BLVRA: variants seen among roughly 807,000 people sequenced by gnomAD.
BLVRA encodes BVR A.
A neutral mutation model predicts 32.8 loss-of-function variants in BLVRA; 22 were observed. The observed-to-expected ratio is 0.67, with a 90% CI of 0.48 to 0.96. BLVRA has a LOEUF of 0.96. BLVRA is among the 40% of genes least tolerant of loss of function. The pLI, the probability that BLVRA is intolerant of heterozygous loss-of-function variation, is 0.00. For synonymous variants in BLVRA, 119 were observed against 141.3 expected (o/e 0.84, Z 1.12); for missense variants, 323 against 358.1 (o/e 0.90, Z 0.79).
chr7:43,794,943 G>C (rs2095790101), intron 5 of BLVRA, among the ~76,000 whole-genome samples: 1 of 152,186 alleles, frequency 6.6e-6, no homozygotes, highest in Admixed American at 6.6e-5. Context: ...GGGTGTGGTG[G>C]CTCATGCCTG....
At chr7:43,803,937 G>A in intron 7 of BLVRA, 90 bp downstream of exon 7, 1 of 1,467,264 alleles carries the variant, frequency 6.8e-7, no homozygotes, top group East Asian at 2.3e-5. Context: ...CGAGGGGCTA[G>A]ACCCTCACTC....
intron 1 of BLVRA, among the ~76,000 whole-genome samples, chr7:43,766,948 G>A (rs896787883): frequency 6.6e-6 from 1 of 152,168 alleles, no homozygotes; most frequent in Non-Finnish European, 1.5e-5. Flanking sequence ...AGTGAGCTGT[G>A]ATCATGCGTG....
chr7:43,802,839 G>A (rs1305255953), intron 6 of BLVRA, among the ~76,000 whole-genome samples: 1 of 152,162 alleles, frequency 6.6e-6, no homozygotes, highest in Non-Finnish European at 1.5e-5. Context: ...CCGGGCTAAA[G>A]TGATTCTCCT....
At chr7:43,774,541 G>T (rs1475528305) in intron 2 of BLVRA, among the ~76,000 whole-genome samples, 1 of 152,194 alleles carries the variant, frequency 6.6e-6, no homozygotes, top group African/African-American at 2.4e-5. Context: ...GGTTACCGTA[G>T]CCTTGTAGTA....
intron 2 of BLVRA, 103 bp downstream of exon 2, chr7:43,771,273 C>T (rs2132551346): frequency 1.5e-6 from 2 of 1,372,706 alleles, no homozygotes; most frequent in African/African-American, 1.4e-5. Context: ...TCAGCACAAA[C>T]TTGAGAACAT....
Position 43,774,132 on chromosome 7 carries a change from T to C in BLVRA, c.12+2962T>C, listed in dbSNP as rs2095757770. On this transcript the variant is annotated intron_variant, in intron 2 of 7. Transcript: ENST00000265523. ...GTAGTTTCTTTTGCTGTGCAGAAGC[T>C]CTTTAGTTTAATTAGATCCCATTTG... Among the ~76,000 whole-genome samples, 6 of 152,324 alleles carry C rather than the reference T, an allele frequency of 3.9e-5. No individual in the cohort carries two copies. The South Asian group carries it at 1.2e-3, about 32-fold the overall frequency.
chr7:43,777,041 C>A (rs1307076229), intron 2 of BLVRA, among the ~76,000 whole-genome samples: 1 of 151,252 alleles, frequency 6.6e-6, no homozygotes, highest in Non-Finnish European at 1.5e-5. Flanking sequence ...TGTGTCTCTG[C>A]ACGTGAGATG....
chr7:43,782,087 C>T (rs929507514), intron 2 of BLVRA, among the ~76,000 whole-genome samples: 2 of 152,180 alleles, frequency 1.3e-5, no homozygotes, highest in African/African-American at 2.4e-5. Context: ...CTGTAGCTGT[C>T]GGGGTGCCTC....
chr7:43,778,041 C>A (rs1388136479), intron 2 of BLVRA, among the ~76,000 whole-genome samples: 2 of 152,180 alleles, frequency 1.3e-5, no homozygotes, highest in Non-Finnish European at 2.9e-5. Flanking sequence ...GTTATACATT[C>A]ATCTAATTTT....
intron 5 of BLVRA, among the ~76,000 whole-genome samples, chr7:43,794,084 A>C (rs534811397): frequency 6.6e-6 from 1 of 152,064 alleles, no homozygotes; most frequent in East Asian, 2.0e-4. Flanking sequence ...CTCTACTGAA[A>C]ATACAAAAAT....
chr7:43,776,988 T>A (rs2095761849), intron 2 of BLVRA, among the ~76,000 whole-genome samples: 1 of 152,206 alleles, frequency 6.6e-6, no homozygotes. Context: ...TGTTTTCCAT[T>A]TGCTTGGTAG....
chr7:43,789,855 G>T (rs997657192), intron 3 of BLVRA, among the ~76,000 whole-genome samples: 1 of 147,960 alleles, frequency 6.8e-6, no homozygotes, highest in Admixed American at 6.9e-5. Context: ...TCTCCTGGTA[G>T]TCTTGTGGTA....
At chr7:43,777,405 T>G (rs2095762606) in intron 2 of BLVRA, among the ~76,000 whole-genome samples, 1 of 150,426 alleles carries the variant, frequency 6.6e-6, no homozygotes, top group East Asian at 1.9e-4. Flanking sequence ...CTTATGAAGC[T>G]TAGTTTGGCT....
intron 5 of BLVRA, among the ~76,000 whole-genome samples, chr7:43,796,037 G>T (rs2095792366): frequency 6.6e-6 from 1 of 150,852 alleles, no homozygotes; most frequent in Non-Finnish European, 1.5e-5. Flanking sequence ...CCAGGAGGTG[G>T]AGGTTGTGCT....
At chr7:43,764,944 T>C (rs573169173) in intron 1 of BLVRA, among the ~76,000 whole-genome samples, 42 of 152,264 alleles carry the variant, frequency 2.8e-4, no homozygotes, top group African/African-American at 1.0e-3. Flanking sequence ...CCAAGCCAGG[T>C]CTAGAACTCT....
In BLVRA at chr7:43,792,767, T is replaced by C. The variant is rs761062280; in HGVS notation, c.307T>C (p.Ser103Pro). ...CCTTGTGGAATACCCCATGACACTGTCATTGGCGGCCGCTCAGGAACTGTG... is the reference window on the plus strand; with the variant it reads ...CCTTGTGGAATACCCCATGACACTGCCATTGGCGGCCGCTCAGGAACTGTG... ...HVLVEYPMTL[S>P]LAAAQELWEL... The change falls in exon 5 of 8, where the codon TCA becomes CCA. Residue 103 changes from serine (S) to proline (P), a missense_variant. By Grantham distance (74) the Ser-to-Pro change is moderately conservative (BLOSUM62 -1). Coordinates refer to ENST00000265523, the MANE Select transcript of BLVRA (RefSeq NM_000712.4). 1 of 1,614,230 alleles carries C rather than the reference T, an allele frequency of 6.2e-7. No individual in the cohort carries two copies. The highest frequency in any genetic ancestry group is 8.5e-7 in the Non-Finnish European group (1 of 1,180,024).
In BLVRA at chr7:43,763,796, C is replaced by T. The variant is rs142706774; in HGVS notation, c.-22+5062C>T. Among the ~76,000 whole-genome samples the T allele has an allele frequency of 1.6e-3, 245 of 152,224 alleles. 1 individual carries two copies. The highest frequency in any genetic ancestry group is 5.8e-3 in the African/African-American group (239 of 41,534). On this transcript the variant is annotated intron_variant, in intron 1 of 7. Transcript: ENST00000265523. ...ATATTTTATATAAGTCAAATTTATA[C>T]GTAATGATTTTTCTTGTAACTTAGC...
At chr7:43,795,494 G>A (rs779118846) in intron 5 of BLVRA, among the ~76,000 whole-genome samples, 1 of 152,126 alleles carries the variant, frequency 6.6e-6, no homozygotes, top group African/African-American at 2.4e-5. Flanking sequence ...CAGCCTGGGC[G>A]ATGGAGTGAG....
chr7:43,784,289 T>C (rs1014176709), intron 2 of BLVRA, among the ~76,000 whole-genome samples: 3 of 152,184 alleles, frequency 2.0e-5, no homozygotes, highest in Non-Finnish European at 4.4e-5. Flanking sequence ...TGGAAGTCCA[T>C]TGCTCCCTCC....
Sources: allele counts gnomAD v4.1 joint callset (sites outside exome capture counted in the v4.1 genomes callset), GRCh38; gene constraint gnomAD v4.1.1; transcripts MANE v1.5; gene names NCBI Gene and HGNC (gene_info 2026-07-23, HGNC 2026-07-21).